The following MYO1D variants were observed in gnomAD, a reference collection of about 807,000 sequenced individuals.
MYO1D encodes the protein myosin ID.
Under a neutral mutation model 122.0 loss-of-function variants are expected in MYO1D, and 83 were observed. The observed-to-expected ratio is 0.68, with a 90% CI of 0.57 to 0.82. The LOEUF is 0.82. MYO1D is among the 40% of genes least tolerant of loss of function. MYO1D has a pLI of 0.00. For missense variants in MYO1D, 1,157 were observed against 1,269.5 expected (o/e 0.91, Z 1.35); for synonymous variants, 464 against 446.9 (o/e 1.04, Z -0.48).
chr17:32,504,098 T>C (rs73981814), intron 21 of MYO1D, among the ~76,000 whole-genome samples: 37 of 152,304 alleles, frequency 2.4e-4, no homozygotes, highest in African/African-American at 8.4e-4. Context: ...AAGTAAAACC[T>C]TTCTCTTGTC....
At chr17:32,809,166 G>A (rs968189201) in intron 1 of MYO1D, among the ~76,000 whole-genome samples, 1 of 147,818 alleles carries the variant, frequency 6.8e-6, no homozygotes, top group Non-Finnish European at 1.5e-5. Context: ...CACCCATCCT[G>A]GAGTGCAGTT....
At position 32,634,310 on chromosome 17, in the gene MYO1D, G is replaced by C. The variant is rs535331488; in HGVS notation, c.2709+4412C>G. Among the ~76,000 whole-genome samples the C allele has an allele frequency of 2.3e-3, 350 of 152,288 alleles. 2 individuals carry two copies. The highest frequency in any genetic ancestry group is 3.4e-3 in the Middle Eastern group (1 of 294). On this transcript the variant is annotated intron_variant, in intron 20 of 21. Coordinates refer to ENST00000318217, the MANE Select transcript of MYO1D (RefSeq NM_015194.3). ...ATGCTGCAAAAAGCAACTCTCAAGA[G>C]GGGGTGTGCAATTGGCTGCAGCATC... is the stretch of plus-strand genomic sequence containing the variant.
At chr17:32,506,883 A>C (rs1237739309) in intron 21 of MYO1D, among the ~76,000 whole-genome samples, 1 of 151,998 alleles carries the variant, frequency 6.6e-6, no homozygotes, top group African/African-American at 2.4e-5. Flanking sequence ...TGGGAGGGTG[A>C]GGTGGGAGGG....
In MYO1D at chr17:32,653,944, G is replaced by A; in HGVS notation, c.2494C>T (p.Pro832Ser). ...GTGCCTGAGGTCTGAGGTGTATCTG[G>A]CTTCTGAAAGAGAAAGGAAACAAGA... ...AWEGNYLASK[P>S]DTPQTSGTFV... is the part of the protein sequence containing the mutation. The change falls in exon 19 of 22, where the codon CCA becomes TCA. Residue 832 changes from proline to serine, a missense_variant. Pro to Ser is a moderately conservative substitution (Grantham distance 74). Transcript: ENST00000318217. 6.2e-7 allele frequency: 1 copy of A among 1,610,338 alleles called. No homozygotes were observed. The highest frequency in any genetic ancestry group is 8.5e-7 in the Non-Finnish European group (1 of 1,178,340).
At chr17:32,651,559 T>C (rs1347588311) in intron 19 of MYO1D, among the ~76,000 whole-genome samples, 1 of 152,122 alleles carries the variant, frequency 6.6e-6, no homozygotes, top group Non-Finnish European at 1.5e-5. Context: ...CATCACCTCA[T>C]TTTTTTCTTC....
chr17:32,567,104 G>T (rs2087181274), intron 21 of MYO1D, among the ~76,000 whole-genome samples: 1 of 152,028 alleles, frequency 6.6e-6, no homozygotes, highest in African/African-American at 2.4e-5. Flanking sequence ...CTGGCTGAAG[G>T]TAGAGGATGC....
chr17:32,739,349 T>C (rs1296109748), intron 13 of MYO1D, among the ~76,000 whole-genome samples: 1 of 152,016 alleles, frequency 6.6e-6, no homozygotes, highest in East Asian at 1.9e-4. Flanking sequence ...TGTAGGAACA[T>C]GGATGAAGCT....
At chr17:32,860,049 G>A (rs1043423138) in intron 1 of MYO1D, among the ~76,000 whole-genome samples, 1 of 147,982 alleles carries the variant, frequency 6.8e-6, no homozygotes, top group Admixed American at 6.7e-5. Context: ...GAAGTCTTCT[G>A]GGGGGCTTCC....
chr17:32,579,079 CTTTTT>C (rs1315235563), intron 21 of MYO1D, among the ~76,000 whole-genome samples: 1 of 151,886 alleles, frequency 6.6e-6, no homozygotes, highest in African/African-American at 2.4e-5. Context: ...TTCCCTTTTT[CTTTTT>C]TTGAGATAGG....
At chr17:32,783,830 T>C (rs1171992281) in intron 1 of MYO1D, among the ~76,000 whole-genome samples, 1 of 152,214 alleles carries the variant, frequency 6.6e-6, no homozygotes, top group Non-Finnish European at 1.5e-5. Context: ...GAAGAACTAC[T>C]AATTATCCTA....
chr17:32,700,143 C>T (rs528620493), intron 16 of MYO1D, among the ~76,000 whole-genome samples: 3 of 152,210 alleles, frequency 2.0e-5, no homozygotes, highest in African/African-American at 7.2e-5. Context: ...TACAGATCAG[C>T]AGTCTCCAAC....
chr17:32,631,516 G>T (rs534637590), intron 20 of MYO1D, among the ~76,000 whole-genome samples: 1 of 152,014 alleles, frequency 6.6e-6, no homozygotes, highest in South Asian at 2.1e-4. Context: ...GAGTAGTGGC[G>T]TGCATCTGCA....
chr17:32,594,556 G>T, intron 21 of MYO1D: 1 of 670,480 alleles, frequency 1.5e-6, no homozygotes. Flanking sequence ...CAGAGTATAA[G>T]CAGATGGTTT....
chr17:32,535,408 A>C (rs946840467), intron 21 of MYO1D, among the ~76,000 whole-genome samples: 2 of 152,252 alleles, frequency 1.3e-5, no homozygotes, highest in Non-Finnish European at 2.9e-5. Flanking sequence ...CATAGGCTTC[A>C]ATCTCTTTGA....
At chr17:32,713,495 T>C (rs979979667) in intron 15 of MYO1D, among the ~76,000 whole-genome samples, 1 of 152,230 alleles carries the variant, frequency 6.6e-6, no homozygotes, top group African/African-American at 2.4e-5. Flanking sequence ...CTAGTTATTC[T>C]GGCACACATA....
intron 4 of MYO1D, among the ~76,000 whole-genome samples, chr17:32,774,121 G>C (rs763920874): frequency 6.6e-6 from 1 of 151,990 alleles, no homozygotes; most frequent in East Asian, 1.9e-4. Context: ...TTACAGTTTC[G>C]TTCCATGACT....
intron 15 of MYO1D, among the ~76,000 whole-genome samples, chr17:32,719,029 A>G (rs2089478927): frequency 6.6e-6 from 1 of 152,256 alleles, no homozygotes; most frequent in South Asian, 2.1e-4. Flanking sequence ...CAAAGTTAAC[A>G]TAGTCAAGAG....
At chr17:32,839,457 A>G (rs2090857033) in intron 1 of MYO1D, among the ~76,000 whole-genome samples, 1 of 152,242 alleles carries the variant, frequency 6.6e-6, no homozygotes, top group Non-Finnish European at 1.5e-5. Context: ...ATTGGGCCAG[A>G]CTAAGTTAGG....
At chr17:32,814,458 C>T (rs1281231704) in intron 1 of MYO1D, among the ~76,000 whole-genome samples, 3 of 152,204 alleles carry the variant, frequency 2.0e-5, no homozygotes, top group Non-Finnish European at 2.9e-5. Flanking sequence ...TTTGTAAGCA[C>T]AGAAACCATA....
Sources: allele counts gnomAD v4.1 joint callset (sites outside exome capture counted in the v4.1 genomes callset), GRCh38; gene constraint gnomAD v4.1.1; transcripts MANE v1.5; gene names NCBI Gene and HGNC (gene_info 2026-07-23, HGNC 2026-07-21).